PRM3: variants seen among roughly 807,000 people sequenced by gnomAD.
PRM3 encodes protamine 3, also known as protamine-3.
For missense variants in PRM3, 160 were observed against 133.1 expected (o/e 1.20, Z -0.99); for synonymous variants, 72 against 58.2 (o/e 1.24, Z -1.08).
Position 11,273,415 on chromosome 16 carries a change from C to A in PRM3, c.181G>T (p.Glu61Ter), listed in dbSNP as rs1442806523. The A allele has an allele frequency of 1.9e-6, 3 of 1,550,814 alleles. No individual in the cohort carries two copies. Among genetic ancestry groups the A allele is most frequent in the Non-Finnish European group, 2.6e-6 (3 of 1,148,216 alleles). The change falls in exon 1 of 1, where the codon GAA becomes TAA. Residue 61 changes from glutamate to a stop codon, truncating the protein, a stop_gained. Transcript: ENST00000327157. LOFTEE classifies it low-confidence loss of function (END_TRUNC). ...GGCAGCTCTTCTTTCTCCTCCTCTT[C>A]CCCCTCCTCCTCCTCTTCCTCCTCT... The part of the protein sequence containing the change: ...EEEEEEEEEG[E>*]EEEKEELPVQ...
chr16:11,273,412 C>G lies in PRM3; in HGVS notation c.184G>C (p.Glu62Gln). ...EEEEEEEEGEEEEKEELPVQG... is the reference protein window; with the variant it reads ...EEEEEEEEGEQEEKEELPVQG... The stretch of plus-strand genomic sequence containing the variant: ...ACCGGCAGCTCTTCTTTCTCCTCCT[C>G]TTCCCCCTCCTCCTCCTCTTCCTCC... Residue 62 changes from glutamate to glutamine, a missense_variant, in exon 1 of 1, where the codon GAG (glutamate) becomes CAG (glutamine). Coordinates refer to ENST00000327157, the MANE Select transcript of PRM3 (RefSeq NM_021247.3). 6.5e-6 allele frequency: 10 copies of G among 1,550,310 alleles called. No individual in the cohort carries two copies. Among genetic ancestry groups the G allele is most frequent in the East Asian group, 2.4e-5 (1 of 41,022 alleles).
In PRM3 at chr16:11,273,532, TGCTGTGGCCTGG is replaced by T. The variant is rs747588747; in HGVS notation, c.52_63del (p.Pro18_Ser21del). The T allele has an allele frequency of 1.0e-3, 1,638 of 1,609,818 alleles. 4 individuals carry two copies. The highest frequency in any genetic ancestry group is 1.3e-3 in the Non-Finnish European group (1,496 of 1,177,800). ...GATTCGTGGCCCCGGCCATGGCCCG[TGCTGTGGCCTGG>T]GCTGTGGCCTGGGCTCTGGCCTGTG... On this transcript the variant is annotated inframe_deletion, in exon 1 of 1. Coordinates refer to ENST00000327157, the MANE Select transcript of PRM3 (RefSeq NM_021247.3).
In PRM3 at chr16:11,273,476, ACT is replaced by A. The variant is rs1378712323; in HGVS notation, c.118_119del (p.Gln41GlyfsTer2). On this transcript the variant is annotated frameshift_variant, in exon 1 of 1. Transcript: ENST00000327157. LOFTEE classifies it low-confidence loss of function (END_TRUNC). ...SSMKKLMACV[S>X]QDNFSLSSAG... ...CTGATGACAAGGAGAAGTTATCCTGACTCACACAGGCCATGAGCTTTTTCATG... is the reference window on the plus strand; with the variant it reads ...CTGATGACAAGGAGAAGTTATCCTGACACACAGGCCATGAGCTTTTTCATG... 9 of 1,593,410 alleles carry A rather than the reference ACT, an allele frequency of 5.6e-6. No homozygotes were observed. The highest frequency in any genetic ancestry group is 7.7e-6 in the Non-Finnish European group (9 of 1,170,314).
rs1389556880 is a variant in PRM3 at position 11,273,336 on chromosome 16, T to C, written c.260A>G (p.Lys87Arg). 5 of 1,545,324 alleles carry C rather than the reference T, an allele frequency of 3.2e-6. No individual in the cohort carries two copies. The highest frequency in any genetic ancestry group is 2.0e-5 in the Admixed American group (1 of 51,000). Residue 87 changes from lysine to arginine, a missense_variant, in exon 1 of 1, where the codon AAG becomes AGG. By Grantham distance (26) the Lys-to-Arg change is conservative (BLOSUM62 2). Transcript: ENST00000327157. ...GCTCTGCTGGGCCTCGGCGTTGTCC[T>C]TGTGGCCCTCCTCCTGCCGCTCAGG... is the stretch of plus-strand genomic sequence containing the variant. ...LEPERQEEGH[K>R]DNAEAQQSPE...
In PRM3 at chr16:11,273,362, C is replaced by G; in HGVS notation, c.234G>C (p.Glu78Asp). Residue 78 changes from glutamate to aspartate, a missense_variant, in exon 1 of 1, where the codon GAG becomes GAC. Coordinates refer to ENST00000327157, the MANE Select transcript of PRM3 (RefSeq NM_021247.3). Reference sequence around the variant, plus strand: ...TGTGGCCCTCCTCCTGCCGCTCAGGCTCCAGCAGCAGCAGCTTGCCCTGCA... The same window carrying G: ...TGTGGCCCTCCTCCTGCCGCTCAGGGTCCAGCAGCAGCAGCTTGCCCTGCA... ...LPVQGKLLLLEPERQEEGHKD... is the reference protein window; with the variant it reads ...LPVQGKLLLLDPERQEEGHKD... 6.5e-7 allele frequency: 1 copy of G among 1,545,162 alleles called. No homozygotes were observed. The highest frequency in any genetic ancestry group is 8.7e-7 in the Non-Finnish European group (1 of 1,147,006).
Position 11,273,206 on chromosome 16 carries a change from G to C in PRM3, c.*78C>G. On this transcript the variant is annotated 3_prime_UTR_variant, in exon 1 of 1. Coordinates refer to ENST00000327157, the MANE Select transcript of PRM3 (RefSeq NM_021247.3). ...AACCAGAGACAGGGAGGATTCCTCA[G>C]AGACTTTTTATTGACTCTTCTCTGA... 18 of 1,452,028 alleles carry C rather than the reference G, an allele frequency of 1.2e-5. No homozygotes were observed. The highest frequency in any genetic ancestry group is 1.5e-5 in the Non-Finnish European group (17 of 1,105,798). The allele number at this position is 1,452,028 out of a possible 1,614,324, so 89.9% of individuals were successfully genotyped here.
chr16:11,273,314 C>G lies in PRM3; in HGVS notation c.282G>C (p.Gln94His). The G allele has an allele frequency of 3.9e-6, 6 of 1,544,856 alleles. No homozygotes were observed. The highest frequency in any genetic ancestry group is 5.2e-6 in the Non-Finnish European group (6 of 1,146,274). The change falls in exon 1 of 1, where the codon CAG becomes CAC. Residue 94 changes from glutamine to histidine, a missense_variant. Transcript: ENST00000327157. ...EGHKDNAEAQ[Q>H]SPEPKRTPS ...AGGGTGTCCGCTTGGGCTCGGGGCT[C>G]TGCTGGGCCTCGGCGTTGTCCTTGT...
rs34977787 is a variant in PRM3, at chr16:11,273,360, G to A, written c.236C>T (p.Pro79Leu). Residue 79 changes from proline to leucine, a missense_variant, in exon 1 of 1, where the codon CCT (proline) becomes CTT (leucine). Physicochemically the swap from Pro to Leu is moderately conservative, Grantham distance 98. Coordinates refer to ENST00000327157, the MANE Select transcript of PRM3 (RefSeq NM_021247.3). ...PVQGKLLLLE[P>L]ERQEEGHKDN... ...CTTGTGGCCCTCCTCCTGCCGCTCA[G>A]GCTCCAGCAGCAGCAGCTTGCCCTG... is the stretch of plus-strand genomic sequence containing the variant. 1 of 1,545,054 alleles carries A rather than the reference G, an allele frequency of 6.5e-7. No individual in the cohort carries two copies.
rs1287146167 is a variant in PRM3, at chr16:11,273,308, G to A, written c.288C>T (p.Pro96=). The change falls in exon 1 of 1, where the codon CCC becomes CCT. Residue 96 remains proline, a synonymous_variant. Transcript: ENST00000327157. ...GTCAGGAGGGTGTCCGCTTGGGCTC[G>A]GGGCTCTGCTGGGCCTCGGCGTTGT... ...HKDNAEAQQS[P]EPKRTPS 37 of 1,543,156 alleles carry A rather than the reference G, an allele frequency of 2.4e-5. No homozygotes were observed. The highest frequency in any genetic ancestry group is 2.7e-5 in the African/African-American group (2 of 72,954).
chr16:11,273,422 C>T lies in PRM3; in HGVS notation c.174G>A (p.Glu58=), dbSNP rs1452079304. The change falls in exon 1 of 1, where the codon GAG becomes GAA. Residue 58 remains glutamate, a synonymous_variant. Coordinates refer to ENST00000327157, the MANE Select transcript of PRM3 (RefSeq NM_021247.3). The part of the protein sequence containing the change: ...SAGEEEEEEE[E]EGEEEEKEEL... ...CTTCTTTCTCCTCCTCTTCCCCCTC[C>T]TCCTCCTCTTCCTCCTCTTCCTCGC... 5 of 1,552,776 alleles carry T rather than the reference C, an allele frequency of 3.2e-6. No individual in the cohort carries two copies. Among genetic ancestry groups the T allele is most frequent in the Admixed American group, 2.0e-5 (1 of 51,214 alleles).
Position 11,273,270 on chromosome 16 carries a change from G to A in PRM3, c.*14C>T. ...AGCAGCAGTGGGCGTCCCTTCCTGG[G>A]CCTTCGTTGCGGGTCAGGAGGGTGT... On this transcript the variant is annotated 3_prime_UTR_variant, in exon 1 of 1. Coordinates refer to ENST00000327157, the MANE Select transcript of PRM3 (RefSeq NM_021247.3). 1 of 1,524,786 alleles carries A rather than the reference G, an allele frequency of 6.6e-7. No individual in the cohort carries two copies. Among genetic ancestry groups the A allele is most frequent in the Non-Finnish European group, 8.8e-7 (1 of 1,134,136 alleles). The allele number at this position is 1,524,786 out of a possible 1,614,324, so 94.5% of individuals were successfully genotyped here. A position where few individuals can be genotyped will look rare whatever the true frequency, so the allele number is the denominator to read the frequency against.
At position 11,273,377 on chromosome 16, in the gene PRM3, C is replaced by G; in HGVS notation, c.219G>C (p.Lys73Asn). ...GCCGCTCAGGCTCCAGCAGCAGCAG[C>G]TTGCCCTGCACCGGCAGCTCTTCTT... ...EEKEELPVQG[K>N]LLLLEPERQE... Residue 73 changes from lysine to asparagine, a missense_variant, in exon 1 of 1, where the codon AAG becomes AAC. Coordinates refer to ENST00000327157, the MANE Select transcript of PRM3 (RefSeq NM_021247.3). The G allele has an allele frequency of 1.3e-6, 2 of 1,545,860 alleles. No homozygotes were observed. The highest frequency in any genetic ancestry group is 1.4e-5 in the African/African-American group (1 of 73,194).
In PRM3 at chr16:11,273,354, C is replaced by G. The variant is rs373206279; in HGVS notation, c.242G>C (p.Arg81Pro). 3 of 1,544,868 alleles carry G rather than the reference C, an allele frequency of 1.9e-6. No homozygotes were observed. Among genetic ancestry groups the G allele is most frequent in the Non-Finnish European group, 2.6e-6 (3 of 1,146,968 alleles). ...QGKLLLLEPE[R>P]QEEGHKDNAE... ...GTTGTCCTTGTGGCCCTCCTCCTGC[C>G]GCTCAGGCTCCAGCAGCAGCAGCTT... Residue 81 changes from arginine (R) to proline (P), a missense_variant, in exon 1 of 1, where the codon CGG (arginine) becomes CCG (proline). By Grantham distance (103) the Arg-to-Pro change is moderately radical. Transcript: ENST00000327157.
At position 11,273,406 on chromosome 16, in the gene PRM3, C is replaced by T. The variant is rs1219319130; in HGVS notation, c.190G>A (p.Glu64Lys). Reference protein sequence around the residue: ...EEEEEEGEEEEKEELPVQGKL... With the variant: ...EEEEEEGEEEKKEELPVQGKL... ...CCCTGCACCGGCAGCTCTTCTTTCT[C>T]CTCCTCTTCCCCCTCCTCCTCCTCT... The change falls in exon 1 of 1, where the codon GAG becomes AAG. Residue 64 changes from glutamate to lysine, a missense_variant. By Grantham distance (56) the Glu-to-Lys change is moderately conservative. Coordinates refer to ENST00000327157, the MANE Select transcript of PRM3 (RefSeq NM_021247.3). 2.6e-6 allele frequency: 4 copies of T among 1,549,146 alleles called. No homozygotes were observed. Among genetic ancestry groups the T allele is most frequent in the Non-Finnish European group, 3.5e-6 (4 of 1,147,592 alleles).
rs372156268 is a variant in PRM3, at chr16:11,273,556, G to C, written c.40C>G (p.Pro14Ala). ...RCAKLNTGQS[P>A]GHSPGHSTGH... ...GTGCTGTGGCCTGGGCTGTGGCCTG[G>C]GCTCTGGCCTGTGTTGAGCTTGGCA... Residue 14 changes from proline to alanine, a missense_variant, in exon 1 of 1, where the codon CCA (proline) becomes GCA (alanine). Coordinates refer to ENST00000327157, the MANE Select transcript of PRM3 (RefSeq NM_021247.3). 4 of 1,609,544 alleles carry C rather than the reference G, an allele frequency of 2.5e-6. No individual in the cohort carries two copies. The African/African-American group carries it at 5.3e-5, about 21-fold the overall frequency.
Position 11,273,557 on chromosome 16 carries a change from G to C in PRM3, c.39C>G (p.Ser13Arg), listed in dbSNP as rs771260443. The change falls in exon 1 of 1, where the codon AGC (serine) becomes AGG (arginine). Residue 13 changes from serine (S) to arginine (R), a missense_variant. Physicochemically the swap from Ser to Arg is moderately radical, Grantham distance 110. Coordinates refer to ENST00000327157, the MANE Select transcript of PRM3 (RefSeq NM_021247.3). ...SRCAKLNTGQ[S>R]PGHSPGHSTG... Reference sequence around the variant, plus strand: ...TGCTGTGGCCTGGGCTGTGGCCTGGGCTCTGGCCTGTGTTGAGCTTGGCAC... The same window carrying C: ...TGCTGTGGCCTGGGCTGTGGCCTGGCCTCTGGCCTGTGTTGAGCTTGGCAC... 2 of 1,609,544 alleles carry C rather than the reference G, an allele frequency of 1.2e-6. No homozygotes were observed. The highest frequency in any genetic ancestry group is 1.7e-6 in the Non-Finnish European group (2 of 1,178,570).
Position 11,273,439 on chromosome 16 carries a change from C to T in PRM3, c.157G>A (p.Glu53Lys), listed in dbSNP as rs1296805123. 4.5e-6 allele frequency: 7 copies of T among 1,558,274 alleles called. No individual in the cohort carries two copies. The highest frequency in any genetic ancestry group is 6.1e-6 in the Non-Finnish European group (7 of 1,151,626). ...TCCCCCTCCTCCTCCTCTTCCTCCT[C>T]TTCCTCGCCCGCTGATGACAAGGAG... Reference protein sequence around the residue: ...NFSLSSAGEEEEEEEEEGEEE... With the variant: ...NFSLSSAGEEKEEEEEEGEEE... Residue 53 changes from glutamate (E) to lysine (K), a missense_variant, in exon 1 of 1, where the codon GAG (glutamate) becomes AAG (lysine). Transcript: ENST00000327157.
In PRM3 at chr16:11,273,478, T is replaced by G. The variant is rs2069810133; in HGVS notation, c.118A>C (p.Ser40Arg). 1 of 1,595,912 alleles carries G rather than the reference T, an allele frequency of 6.3e-7. No individual in the cohort carries two copies. The highest frequency in any genetic ancestry group is 8.5e-7 in the Non-Finnish European group (1 of 1,171,324). ...SSMKKLMACV[S>R]QDNFSLSSAG... is the part of the protein sequence containing the mutation. ...GATGACAAGGAGAAGTTATCCTGAC[T>G]CACACAGGCCATGAGCTTTTTCATG... is the stretch of plus-strand genomic sequence containing the variant. Residue 40 changes from serine (S) to arginine (R), a missense_variant, in exon 1 of 1, where the codon AGT becomes CGT. Ser to Arg is a moderately radical substitution (Grantham distance 110). Transcript: ENST00000327157.
rs368334860 is a variant in PRM3, at chr16:11,273,531, G to A, written c.65C>T (p.Thr22Met). The A allele has an allele frequency of 4.1e-5, 66 of 1,610,048 alleles. No individual in the cohort carries two copies. The highest frequency in any genetic ancestry group is 2.9e-4 in the East Asian group (13 of 44,880). Reference sequence around the variant, plus strand: ...GGATTCGTGGCCCCGGCCATGGCCCGTGCTGTGGCCTGGGCTGTGGCCTGG... The same window carrying A: ...GGATTCGTGGCCCCGGCCATGGCCCATGCTGTGGCCTGGGCTGTGGCCTGG... ...QSPGHSPGHS[T>M]GHGRGHESSM... The change falls in exon 1 of 1, where the codon ACG (threonine) becomes ATG (methionine). Residue 22 changes from threonine (T) to methionine (M), a missense_variant. Coordinates refer to ENST00000327157, the MANE Select transcript of PRM3 (RefSeq NM_021247.3).
Sources: gnomAD v4.1 joint callset for allele counts on GRCh38, gnomAD v4.1.1 for gene constraint, MANE v1.5 for transcripts, NCBI Gene and HGNC (gene_info 2026-07-23, HGNC 2026-07-21) for gene names.